The following ZFP1 variants were observed in gnomAD, a reference collection of about 807,000 sequenced individuals.
ZFP1 encodes zinc finger protein 1 homolog.
ZFP1 carries 32 observed loss-of-function variants against 38.5 expected under a neutral mutation model. The observed-to-expected ratio is 0.83, with a 90% CI of 0.63 to 1.12. The LOEUF (loss-of-function observed/expected upper bound fraction) is 1.12. ZFP1 is among the 50% of genes most tolerant of loss of function. ZFP1 has a pLI of 0.00. For synonymous variants in ZFP1, 245 were observed against 168.8 expected (o/e 1.45, Z -3.50); for missense variants, 616 against 480.8 (o/e 1.28, Z -2.63).
the ZFP1 span, among the ~76,000 whole-genome samples, chr16:75,125,916 C>T: frequency 9.9e-5 from 15 of 151,820 alleles, no homozygotes; most frequent in African/African-American, 3.4e-4. Context: ...ATGGCAGGTG[C>T]CTGTAATCCC....
chr16:75,126,652 C>T, the ZFP1 span, among the ~76,000 whole-genome samples: 3 of 152,220 alleles, frequency 2.0e-5, no homozygotes, highest in African/African-American at 7.2e-5. Context: ...ATCCACCCAC[C>T]TTGGCCTCCT....
At chr16:75,141,360 A>G in the ZFP1 span, among the ~76,000 whole-genome samples, 17 of 150,730 alleles carry the variant, frequency 1.1e-4, no homozygotes, top group Non-Finnish European at 2.5e-4. Flanking sequence ...CCACCACCAC[A>G]CCTGGCTAAT....
At chr16:75,146,319 C>T (rs139741348), upstream of ZFP1, among the ~76,000 whole-genome samples, 480 of 152,152 alleles carry the variant, frequency 3.2e-3, 3 homozygotes, top group African/African-American at 0.011. Context: ...CCCGCCACCA[C>T]GCCCGGCTAA....
At chr16:75,141,285 C>T in the ZFP1 span, among the ~76,000 whole-genome samples, 1 of 143,302 alleles carries the variant, frequency 7.0e-6, no homozygotes, top group Non-Finnish European at 1.5e-5. Flanking sequence ...TCACTGCAAG[C>T]TCCGCCTCCC....
chr16:75,169,117 ATTT>A, intron 3 of ZFP1, 133 bp from the exon 4 acceptor site: 1 of 1,185,952 alleles, frequency 8.4e-7, no homozygotes, highest in African/African-American at 1.5e-5. Flanking sequence ...TGCACTGGGA[ATTT>A]TTTAATATTG....
chr16:75,157,984 C>T (rs1189356211), intron 2 of ZFP1, among the ~76,000 whole-genome samples: 3 of 151,776 alleles, frequency 2.0e-5, no homozygotes, highest in South Asian at 2.1e-4. Flanking sequence ...GATGGGATCT[C>T]GCCAGGTTGC....
the ZFP1 span, among the ~76,000 whole-genome samples, chr16:75,120,107 T>C: frequency 1.3e-5 from 2 of 152,216 alleles, no homozygotes; most frequent in Non-Finnish European, 1.5e-5. Flanking sequence ...GTCAGCTTAA[T>C]TAAAAGCTAA....
Position 75,170,460 on chromosome 16 carries a change from T to C in ZFP1, c.*126T>C. ...GATGCAATCTCTCAACTCAAAAATGTATTAAAAATAGGATCCCATGAGAAC... is the reference window on the plus strand; with the variant it reads ...GATGCAATCTCTCAACTCAAAAATGCATTAAAAATAGGATCCCATGAGAAC... On this transcript the variant is annotated 3_prime_UTR_variant, in exon 4 of 4. Coordinates refer to ENST00000570010, the MANE Select transcript of ZFP1 (RefSeq NM_153688.4). 7.6e-7 allele frequency: 1 copy of C among 1,323,630 alleles called. No individual in the cohort carries two copies. 82.0% of individuals were successfully genotyped at this position (1,323,630 alleles called of 1,614,324 possible).
chr16:75,165,236 CTAGT>C lies in ZFP1; in HGVS notation c.16-1527_16-1524del, dbSNP rs537121673. Among the ~76,000 whole-genome samples the C allele has an allele frequency of 5.3e-4, 81 of 152,282 alleles. No homozygotes were observed. The South Asian group carries it at 9.8e-3, about 18-fold the overall frequency. On this transcript the variant is annotated intron_variant, in intron 2 of 3. Transcript: ENST00000570010. ...TACATGTAGCCTGAAAAGGAAAAATCTAGTTAGTTACTTACTTGACCCTTTATAG... is the reference window on the plus strand; with the variant it reads ...TACATGTAGCCTGAAAAGGAAAAATCTAGTTACTTACTTGACCCTTTATAG...
At chr16:75,127,227 G>A in the ZFP1 span, among the ~76,000 whole-genome samples, 1 of 152,172 alleles carries the variant, frequency 6.6e-6, no homozygotes, top group East Asian at 1.9e-4. Context: ...ATAATCAGCT[G>A]TAAAACTCTA....
chr16:75,133,040 C>T, the ZFP1 span, among the ~76,000 whole-genome samples: 104 of 151,504 alleles, frequency 6.9e-4, 1 homozygote, highest in African/African-American at 2.4e-3. Context: ...TGCAGTGGTG[C>T]GATCTTGGCT....
the ZFP1 span, chr16:75,126,114 T>A: frequency 6.6e-6 from 1 of 152,120 alleles, no homozygotes; most frequent in Non-Finnish European, 1.5e-5. Context: ...GTTATCACTT[T>A]GGTTAAATGA....
intron 2 of ZFP1, among the ~76,000 whole-genome samples, chr16:75,153,467 T>A (rs2037309599): frequency 6.6e-6 from 1 of 152,198 alleles, no homozygotes. Context: ...ATTACACAAG[T>A]ACAAATAAAA....
At chr16:75,132,083 G>A in the ZFP1 span, among the ~76,000 whole-genome samples, 8 of 152,098 alleles carry the variant, frequency 5.3e-5, no homozygotes, top group Non-Finnish European at 8.8e-5. Context: ...TTCATGGCAT[G>A]TATTTGTTAA....
In ZFP1 at chr16:75,171,211, C is replaced by G. The variant is rs1380341778; in HGVS notation, c.*877C>G. 1 of 152,152 alleles carries G rather than the reference C, an allele frequency of 6.6e-6. No individual in the cohort carries two copies. Among genetic ancestry groups the G allele is most frequent in the African/African-American group, 2.4e-5 (1 of 41,436 alleles). The allele number at this position is 152,152 out of a possible 1,614,324, so 9.4% of individuals were successfully genotyped here. ...AATATTGTGTAACACAGACAGAAAC[C>G]ACCTGTTTTTGTCTTTCCTTGTTTC... is the stretch of plus-strand genomic sequence containing the variant. On this transcript the variant is annotated 3_prime_UTR_variant, in exon 4 of 4. Transcript: ENST00000570010.
At chr16:75,135,874 G>GC in the ZFP1 span, among the ~76,000 whole-genome samples, 1 of 152,132 alleles carries the variant, frequency 6.6e-6, no homozygotes, top group African/African-American at 2.4e-5. Flanking sequence ...GAGTACAGTG[G>GC]CCCAATCTTG....
chr16:75,146,720 C>G (rs932699027), upstream of ZFP1, among the ~76,000 whole-genome samples: 2 of 152,108 alleles, frequency 1.3e-5, no homozygotes, highest in African/African-American at 4.8e-5. Context: ...AGGAGGATTT[C>G]TTGATCCCAG....
At chr16:75,129,253 G>A in the ZFP1 span, among the ~76,000 whole-genome samples, 2 of 152,104 alleles carry the variant, frequency 1.3e-5, no homozygotes, top group Non-Finnish European at 2.9e-5. Flanking sequence ...AGCTTTCCTA[G>A]CAACTAGGGA....
At chr16:75,169,107 T>TA (rs2038268223) in intron 3 of ZFP1, 146 bp from the exon 4 acceptor site, 1 of 1,119,348 alleles carries the variant, frequency 8.9e-7, no homozygotes, top group Non-Finnish European at 1.2e-6. Flanking sequence ...AGGAAACATT[T>TA]GCACTGGGAA....
Sources: allele counts gnomAD v4.1 joint callset (sites outside exome capture counted in the v4.1 genomes callset), GRCh38; gene constraint gnomAD v4.1.1; transcripts MANE v1.5; gene names NCBI Gene and HGNC (gene_info 2026-07-23, HGNC 2026-07-21).